Variants in TTC29 observed in about 807,000 individuals in gnomAD.
TTC29 encodes the protein tetratricopeptide repeat protein 29.
Under a neutral mutation model 58.1 loss-of-function variants are expected in TTC29, and 49 were observed. The observed-to-expected ratio is 0.84, with a 90% CI of 0.67 to 1.07. The LOEUF is 1.07. TTC29 is among the 50% of genes least tolerant of loss of function. The pLI is 0.00. For synonymous variants in TTC29, 209 were observed against 196.8 expected (o/e 1.06, Z -0.52); for missense variants, 582 against 555.6 (o/e 1.05, Z -0.48).
rs1334613307 is a variant in TTC29 at position 146,909,212 on chromosome 4, T to A, written c.214A>T (p.Met72Leu). Residue 72 changes from methionine (M) to leucine (L), a missense_variant, in exon 5 of 13, where the codon ATG (methionine) becomes TTG (leucine). Physicochemically the swap from Met to Leu is conservative, Grantham distance 15 (BLOSUM62 2). Coordinates refer to ENST00000325106, the MANE Select transcript of TTC29 (RefSeq NM_031956.4). ...GACTTATGATAACCATCTCGCAGCA[T>A]GTCCACACAGATATTCTTCTTGTAG... Reference protein sequence around the residue: ...NSYKKNICVDMLRDGYHKSFT... With the variant: ...NSYKKNICVDLLRDGYHKSFT... 1.5e-5 allele frequency: 24 copies of A among 1,613,448 alleles called. No homozygotes were observed. The highest frequency in any genetic ancestry group is 1.8e-5 in the Non-Finnish European group (21 of 1,179,786).
At position 146,903,546 on chromosome 4, in the gene TTC29, T is replaced by A; in HGVS notation, c.584A>T (p.Asp195Val). ...HMHMGLLYEE[D>V]GQLLEAAEHY... ...CATCCTGGCAAATGCCCACTCACCA[T>A]CTTCCTCGTAGAGAAGACCCATATG... is the stretch of plus-strand genomic sequence containing the variant. The change falls in exon 6 of 13, where the codon GAT becomes GTT. Residue 195 changes from aspartate to valine, a missense_variant and splice_region_variant. Asp to Val is a radical substitution (Grantham distance 152). Coordinates refer to ENST00000325106, the MANE Select transcript of TTC29 (RefSeq NM_031956.4). The A allele has an allele frequency of 6.3e-7, 1 of 1,599,084 alleles. No homozygotes were observed.
chr4:146,881,895 G>A (rs2150233694), intron 6 of TTC29, among the ~76,000 whole-genome samples: 1 of 152,178 alleles, frequency 6.6e-6, no homozygotes, highest in East Asian at 1.9e-4. Flanking sequence ...TAACTTTTGA[G>A]TAGCTACTTT....
At chr4:146,724,349 G>T (rs555148128) in intron 11 of TTC29, among the ~76,000 whole-genome samples, 2 of 152,116 alleles carry the variant, frequency 1.3e-5, no homozygotes, top group East Asian at 3.9e-4. Flanking sequence ...TAACAAACCT[G>T]CATGTGTACC....
In TTC29 at chr4:146,869,140, CCCA is replaced by C. The variant is rs1369742576; in HGVS notation, c.800-1560_800-1558del. Among the ~76,000 whole-genome samples the C allele has an allele frequency of 2.7e-5, 4 of 149,910 alleles. No individual in the cohort carries two copies. The East Asian group carries it at 5.9e-4, about 22-fold the overall frequency. ...AAAAACCTCTTTTCTTTATAAATTA[CCCA>C]CCCTCAGATATTCCTTTATAGAAAT... On this transcript the variant is annotated intron_variant, in intron 7 of 12. Transcript: ENST00000325106.
At chr4:146,754,160 A>T (rs998070530) in intron 11 of TTC29, among the ~76,000 whole-genome samples, 3 of 151,838 alleles carry the variant, frequency 2.0e-5, no homozygotes, top group African/African-American at 7.2e-5. Flanking sequence ...AAATTATAAC[A>T]GATGCCTCAG....
intron 8 of TTC29, among the ~76,000 whole-genome samples, chr4:146,847,900 G>A (rs954783361): frequency 6.6e-6 from 1 of 152,214 alleles, no homozygotes; most frequent in African/African-American, 2.4e-5. Context: ...ACACCAAAGT[G>A]GATGTATGGG....
intron 9 of TTC29, among the ~76,000 whole-genome samples, chr4:146,820,752 G>C (rs1179470990): frequency 6.6e-6 from 1 of 152,148 alleles, no homozygotes; most frequent in Non-Finnish European, 1.5e-5. Context: ...AATGAGGTAG[G>C]CTGGGCACGG....
At chr4:146,750,253 C>T (rs569719919) in intron 11 of TTC29, among the ~76,000 whole-genome samples, 92 of 152,134 alleles carry the variant, frequency 6.0e-4, no homozygotes, top group Non-Finnish European at 1.1e-3. Context: ...GTGATCCGCC[C>T]GCCTCGGCCT....
intron 6 of TTC29, among the ~76,000 whole-genome samples, chr4:146,889,366 C>T (rs1276117839): frequency 6.6e-6 from 1 of 152,002 alleles, no homozygotes; most frequent in East Asian, 1.9e-4. Context: ...AAAAATAATA[C>T]TTAAAATAAT....
At chr4:146,764,889 C>T (rs1747179057) in intron 11 of TTC29, among the ~76,000 whole-genome samples, 1 of 150,798 alleles carries the variant, frequency 6.6e-6, no homozygotes, top group African/African-American at 2.4e-5. Flanking sequence ...GTGACAGCAA[C>T]TGCGAAGAGA....
intron 11 of TTC29, among the ~76,000 whole-genome samples, chr4:146,752,785 A>G (rs530825017): frequency 6.6e-6 from 1 of 152,306 alleles, no homozygotes; most frequent in South Asian, 2.1e-4. Flanking sequence ...AAACCTGACC[A>G]AAACAAGCAA....
chr4:146,932,392 C>T (rs1347884931), intron 4 of TTC29, among the ~76,000 whole-genome samples: 1 of 152,082 alleles, frequency 6.6e-6, no homozygotes, highest in Non-Finnish European at 1.5e-5. Flanking sequence ...TACCAAAGAG[C>T]AAACTTTTTT....
intron 8 of TTC29, among the ~76,000 whole-genome samples, chr4:146,837,342 T>C (rs1728576848): frequency 6.6e-6 from 1 of 151,866 alleles, no homozygotes; most frequent in Admixed American, 6.6e-5. Flanking sequence ...GGGGACCTGC[T>C]TGAGAATGGA....
At chr4:146,804,712 T>C (rs1458348201) in intron 10 of TTC29, among the ~76,000 whole-genome samples, 4 of 152,158 alleles carry the variant, frequency 2.6e-5, no homozygotes, top group Non-Finnish European at 5.9e-5. Context: ...AGGGCATCTC[T>C]GAAAGAAAGG....
chr4:146,803,283 A>G (rs1750360267), intron 11 of TTC29, among the ~76,000 whole-genome samples, 174 bp downstream of exon 11: 1 of 152,180 alleles, frequency 6.6e-6, no homozygotes, highest in African/African-American at 2.4e-5. Flanking sequence ...TTAAACATCA[A>G]AGGTATAATT....
At chr4:146,822,321 G>C (rs1751905394) in intron 9 of TTC29, among the ~76,000 whole-genome samples, 1 of 152,100 alleles carries the variant, frequency 6.6e-6, no homozygotes, top group African/African-American at 2.4e-5. Flanking sequence ...ACTTGTGTGA[G>C]TGAGAACATG....
chr4:146,718,243 G>C (rs1050643585), intron 11 of TTC29, among the ~76,000 whole-genome samples: 16 of 152,168 alleles, frequency 1.1e-4, no homozygotes, highest in Non-Finnish European at 2.1e-4. Context: ...CCAGAAGTAG[G>C]ATTGCTGTAT....
chr4:146,941,469 T>G (rs1471761208), intron 2 of TTC29, among the ~76,000 whole-genome samples: 1 of 152,044 alleles, frequency 6.6e-6, no homozygotes, highest in Non-Finnish European at 1.5e-5. Flanking sequence ...GACTTTGCAG[T>G]ATGGGGGTAA....
At chr4:146,772,668 C>T (rs1190132276) in intron 11 of TTC29, among the ~76,000 whole-genome samples, 2 of 152,200 alleles carry the variant, frequency 1.3e-5, no homozygotes, top group Admixed American at 1.3e-4. Context: ...ATGTCTCCAG[C>T]TTTGTTCTTC....
Sources: allele counts gnomAD v4.1 joint callset (sites outside exome capture counted in the v4.1 genomes callset), GRCh38; gene constraint gnomAD v4.1.1; transcripts MANE v1.5; gene names NCBI Gene and HGNC (gene_info 2026-07-23, HGNC 2026-07-21).